The following DLGAP2 variants were observed in gnomAD, a reference collection of about 807,000 sequenced individuals.
DLGAP2 encodes DLG associated protein 2, also known as disks large-associated protein 2.
Under a neutral mutation model 100.3 loss-of-function variants are expected in DLGAP2, and 26 were observed. The observed-to-expected ratio is 0.26, with a 90% CI of 0.19 to 0.36. DLGAP2 has a LOEUF of 0.36. Among genes scored for constraint, DLGAP2 ranks in the 10% least tolerant of loss-of-function variants. DLGAP2 has a pLI of 1.00. For synonymous variants in DLGAP2, 886 were observed against 630.1 expected (o/e 1.41, Z -6.08); for missense variants, 1,858 against 1,453.2 (o/e 1.28, Z -4.53).
chr8:1,422,806 T>G (rs1250563226), intron 3 of DLGAP2, among the ~76,000 whole-genome samples: 1 of 152,138 alleles, frequency 6.6e-6, no homozygotes, highest in East Asian at 1.9e-4. Context: ...TGGGAGTGTT[T>G]CATCCACAAG....
At chr8:900,501 C>G (rs535054598) in intron 1 of DLGAP2, among the ~76,000 whole-genome samples, 11 of 152,346 alleles carry the variant, frequency 7.2e-5, no homozygotes, top group African/African-American at 2.6e-4. Context: ...CATATAATTA[C>G]TATTCTTTGT....
intron 3 of DLGAP2, among the ~76,000 whole-genome samples, chr8:1,309,224 G>A (rs1034014580): frequency 6.6e-6 from 1 of 152,150 alleles, no homozygotes; most frequent in Non-Finnish European, 1.5e-5. Flanking sequence ...AAAATTTGAG[G>A]AAAGATGTGA....
chr8:1,274,501 G>C (rs1799643760), intron 3 of DLGAP2, among the ~76,000 whole-genome samples: 1 of 147,256 alleles, frequency 6.8e-6, no homozygotes, highest in Non-Finnish European at 1.5e-5. Context: ...GAGTGACTTT[G>C]GATTTGTTTT....
rs1799678015 is a variant in DLGAP2, at chr8:1,705,346, C to T, written c.*3940C>T. 6.6e-6 allele frequency: 1 copy of T among 152,272 alleles called. No individual in the cohort carries two copies. The highest frequency in any genetic ancestry group is 1.5e-5 in the Non-Finnish European group (1 of 68,082). 9.4% of individuals were successfully genotyped at this position (152,272 alleles called of 1,614,324 possible). A position where few individuals can be genotyped will look rare whatever the true frequency, so the allele number is the denominator to read the frequency against. On this transcript the variant is annotated 3_prime_UTR_variant, in exon 15 of 15. Transcript: ENST00000637795. ...TTTCCGCTGCGTTTCATCAGTCAGC[C>T]TTGCTTGGAATTCTGGCAGGTTCCC...
rs1008460887 is a variant in DLGAP2 at position 1,419,331 on chromosome 8, G to C, written c.107-82035G>C. On this transcript the variant is annotated intron_variant, in intron 3 of 14. Transcript: ENST00000637795. ...ATGTTACACTCTGATACGTGTGTGT[G>C]TGTGTGTGTGTGTGTGTGTGTAGGT... Among the ~76,000 whole-genome samples the C allele has an allele frequency of 1.7e-5, 2 of 114,382 alleles. 1 individual carries two copies. The highest frequency in any genetic ancestry group is 2.0e-4 in the Admixed American group (2 of 9,758). 75.0% of individuals were successfully genotyped at this position (114,382 alleles called of 152,430 possible). A position where few individuals can be genotyped will look rare whatever the true frequency, so the allele number is the denominator to read the frequency against.
chr8:1,460,506 G>C (rs1798442984), intron 3 of DLGAP2, among the ~76,000 whole-genome samples: 1 of 152,164 alleles, frequency 6.6e-6, no homozygotes, highest in Non-Finnish European at 1.5e-5. Context: ...CTTCCCCTCT[G>C]TCACGGCTGC....
rs183159720 is a variant in DLGAP2 at position 1,647,349 on chromosome 8, C to T, written c.1810+14303C>T. The stretch of plus-strand genomic sequence containing the variant: ...AACAAAACACAAAAAATTAGCCAGG[C>T]GTCGTGGTGGGTGCCTGTAGTCCCA... On this transcript the variant is annotated intron_variant, in intron 8 of 14. Transcript: ENST00000637795. 8.7e-4 allele frequency among the ~76,000 whole-genome samples: 132 copies of T among 151,710 alleles called. 1 individual carries two copies. The South Asian group carries it at 9.7e-3, about 11-fold the overall frequency.
chr8:1,099,565 A>T (rs907128353), intron 2 of DLGAP2, among the ~76,000 whole-genome samples: 1 of 152,220 alleles, frequency 6.6e-6, no homozygotes, highest in Non-Finnish European at 1.5e-5. Flanking sequence ...CGTCCCTTTC[A>T]GAGGCTACCA....
intron 4 of DLGAP2, among the ~76,000 whole-genome samples, chr8:1,527,542 G>A (rs1180665152): frequency 6.6e-6 from 1 of 152,250 alleles, no homozygotes; most frequent in Non-Finnish European, 1.5e-5. Context: ...CATGGAGAGG[G>A]AAGTAAAATG....
At chr8:1,123,397 G>A (rs1027307436) in intron 2 of DLGAP2, among the ~76,000 whole-genome samples, 51 of 152,114 alleles carry the variant, frequency 3.4e-4, no homozygotes, top group Admixed American at 2.9e-3. Context: ...GCCTCCACCC[G>A]GTCAGAATGA....
intron 1 of DLGAP2, among the ~76,000 whole-genome samples, chr8:826,983 C>A (rs1462623798): frequency 6.6e-6 from 1 of 152,172 alleles, no homozygotes; most frequent in Non-Finnish European, 1.5e-5. Context: ...TACCCCATAT[C>A]CATGGAGATG....
intron 3 of DLGAP2, among the ~76,000 whole-genome samples, chr8:1,329,917 G>A (rs888500654): frequency 1.4e-4 from 21 of 152,176 alleles, no homozygotes; most frequent in African/African-American, 2.9e-4. Context: ...AGCTGCAGCC[G>A]CCCTGCCGTG....
chr8:1,106,883 C>G (rs920665294), intron 2 of DLGAP2, among the ~76,000 whole-genome samples: 2 of 152,104 alleles, frequency 1.3e-5, no homozygotes, highest in African/African-American at 4.8e-5. Flanking sequence ...GAGAATAGAA[C>G]CATTTGGACT....
At chr8:1,000,837 C>A (rs1163110396) in intron 2 of DLGAP2, among the ~76,000 whole-genome samples, 1 of 152,012 alleles carries the variant, frequency 6.6e-6, no homozygotes, top group Non-Finnish European at 1.5e-5. Flanking sequence ...TTCTCTTCTG[C>A]GATGTGTGTG....
intron 2 of DLGAP2, among the ~76,000 whole-genome samples, chr8:1,197,116 A>T (rs1385642697): frequency 8.0e-6 from 1 of 124,828 alleles, no homozygotes; most frequent in Non-Finnish European, 1.7e-5. Context: ...CCCTCAGTGG[A>T]TTGGAGGATG....
At chr8:1,424,490 T>C (rs910584756) in intron 3 of DLGAP2, among the ~76,000 whole-genome samples, 5 of 152,202 alleles carry the variant, frequency 3.3e-5, no homozygotes, top group Admixed American at 3.3e-4. Flanking sequence ...TACCCTGTCA[T>C]AGAAAGGAAG....
chr8:1,496,809 G>C (rs12543934), intron 3 of DLGAP2, among the ~76,000 whole-genome samples: 2 of 152,174 alleles, frequency 1.3e-5, no homozygotes, highest in Non-Finnish European at 2.9e-5. Flanking sequence ...CCATCCGCAC[G>C]TTCGCTGCTG....
At chr8:1,645,763 C>G (rs766528620) in intron 8 of DLGAP2, among the ~76,000 whole-genome samples, 2 of 152,150 alleles carry the variant, frequency 1.3e-5, no homozygotes, top group African/African-American at 4.8e-5. Context: ...GAGTCATTGA[C>G]ATGATTTAAT....
intron 3 of DLGAP2, among the ~76,000 whole-genome samples, chr8:1,320,013 G>T (rs1343739506): frequency 6.6e-6 from 1 of 152,138 alleles, no homozygotes; most frequent in Admixed American, 6.5e-5. Flanking sequence ...AAAGGTAAGC[G>T]CACATGAAGA....
Sources: gnomAD v4.1 joint callset for allele counts (sites outside exome capture counted in the v4.1 genomes callset) on GRCh38, gnomAD v4.1.1 for gene constraint, MANE v1.5 for transcripts, NCBI Gene and HGNC (gene_info 2026-07-23, HGNC 2026-07-21) for gene names.